BANK1: variants seen among roughly 807,000 people sequenced by gnomAD.
BANK1 encodes the protein B cell scaffold protein with ankyrin repeats 1, also known as B-cell scaffold protein with ankyrin repeats.
In BANK1, 95 loss-of-function variants were observed where a neutral mutation model predicts 94.5. The observed-to-expected ratio is 1.00, with a 90% CI of 0.85 to 1.19. BANK1 has a LOEUF of 1.19. Ranked by LOEUF, BANK1 falls within the 50% of genes most tolerant of loss-of-function variation. BANK1 has a pLI of 0.00. For missense variants in BANK1, 987 were observed against 932.2 expected, an observed-to-expected ratio of 1.06 and a Z score of -0.77; for synonymous variants, 334 against 308.4, an observed-to-expected ratio of 1.08 and a Z score of -0.87.
In BANK1 at chr4:101,909,381, G is replaced by A. The variant is rs189336057; in HGVS notation, c.1010-8612G>A. Among the ~76,000 whole-genome samples, 297 of 152,224 alleles carry A rather than the reference G, an allele frequency of 2.0e-3. 1 individual carries two copies. Among genetic ancestry groups the A allele is most frequent in the African/African-American group, 6.4e-3 (265 of 41,526 alleles). The stretch of plus-strand genomic sequence containing the variant: ...CACAGGAAGAGGAACATCACACACC[G>A]GGGCCTGTCGTGGGGTGGGGGTAGG... On this transcript the variant is annotated intron_variant, in intron 6 of 16. Coordinates refer to ENST00000322953, the MANE Select transcript of BANK1 (RefSeq NM_017935.5).
chr4:102,066,692 C>T (rs1376510996), intron 13 of BANK1, among the ~76,000 whole-genome samples: 1 of 152,024 alleles, frequency 6.6e-6, no homozygotes, highest in Non-Finnish European at 1.5e-5. Context: ...AGAATAAATG[C>T]TTAAAAATAT....
intron 5 of BANK1, among the ~76,000 whole-genome samples, chr4:101,874,755 G>A (rs553207603): frequency 3.0e-4 from 45 of 152,202 alleles, no homozygotes; most frequent in African/African-American, 7.7e-4. Context: ...AGCATATTAT[G>A]CTCTTTTCTT....
chr4:102,057,221 G>GCT (rs374385213), intron 11 of BANK1, among the ~76,000 whole-genome samples: 170 of 144,414 alleles, frequency 1.2e-3, no homozygotes, highest in Middle Eastern at 3.7e-3. Context: ...ACTAGTTCTC[G>GCT]CTCTCTCTCT....
chr4:101,944,584 G>A (rs112879286), intron 7 of BANK1, among the ~76,000 whole-genome samples: 2,209 of 151,704 alleles, frequency 0.015, 23 homozygotes, highest in Non-Finnish European at 0.019. Context: ...AAGAACTCTA[G>A]AGAAGGAAAA....
chr4:101,938,295 A>G (rs1553934324), intron 7 of BANK1, among the ~76,000 whole-genome samples: 2 of 151,632 alleles, frequency 1.3e-5, no homozygotes, highest in Non-Finnish European at 1.5e-5. Context: ...GTTACCAGAG[A>G]CTGGAAAAGG....
intron 1 of BANK1, among the ~76,000 whole-genome samples, chr4:101,795,369 A>G (rs1725121434): frequency 6.6e-6 from 1 of 152,026 alleles, no homozygotes; most frequent in African/African-American, 2.4e-5. Context: ...GTGTTCTTTT[A>G]TCTATGGAGG....
At chr4:102,051,140 TGGGG>T (rs1001617135) in intron 11 of BANK1, among the ~76,000 whole-genome samples, 21 of 152,150 alleles carry the variant, frequency 1.4e-4, no homozygotes, top group African/African-American at 3.4e-4. Context: ...CCTGGAGAAA[TGGGG>T]AAGATATTAC....
intron 7 of BANK1, among the ~76,000 whole-genome samples, chr4:101,937,275 A>G (rs1446438587): frequency 6.6e-6 from 1 of 151,920 alleles, no homozygotes; most frequent in Admixed American, 6.6e-5. Flanking sequence ...ACAGCAAAAT[A>G]AACTATCATC....
intron 2 of BANK1, among the ~76,000 whole-genome samples, chr4:101,840,513 G>A (rs1230228844): frequency 1.3e-5 from 2 of 152,048 alleles, no homozygotes; most frequent in Non-Finnish European, 2.9e-5. Context: ...AGGGTAAGAA[G>A]CACCTGGCCC....
At chr4:101,801,271 T>C (rs1245813067) in intron 1 of BANK1, among the ~76,000 whole-genome samples, 1 of 152,222 alleles carries the variant, frequency 6.6e-6, no homozygotes, top group Non-Finnish European at 1.5e-5. Flanking sequence ...CATGTTAAGA[T>C]GATACTATTT....
chr4:102,030,090 A>C lies in BANK1; in HGVS notation c.1725A>C (p.Glu575Asp). 6.2e-7 allele frequency: 1 copy of C among 1,614,068 alleles called. No homozygotes were observed. The highest frequency in any genetic ancestry group is 1.3e-5 in the African/African-American group (1 of 75,038). The change falls in exon 10 of 17, where the codon GAA becomes GAC. Residue 575 changes from glutamate (E) to aspartate (D), a missense_variant. Physicochemically the swap from Glu to Asp is conservative, Grantham distance 45 (BLOSUM62 2). Transcript: ENST00000322953. ...KEEEKEQEEE[E>D]DPYTFAEIDD... Reference sequence around the variant, plus strand: ...AGGAAAAAGAGCAGGAGGAGGAAGAAGACCCATATACTTTTGCTGAGATTG... The same window carrying C: ...AGGAAAAAGAGCAGGAGGAGGAAGACGACCCATATACTTTTGCTGAGATTG...
At chr4:102,047,165 A>AT (rs1727904452) in intron 11 of BANK1, among the ~76,000 whole-genome samples, 1 of 152,168 alleles carries the variant, frequency 6.6e-6, no homozygotes, top group Non-Finnish European at 1.5e-5. Flanking sequence ...CTCCTAGGAC[A>AT]TTATGAATCA....
intron 9 of BANK1, among the ~76,000 whole-genome samples, chr4:102,027,468 C>A (rs1727142608): frequency 6.6e-6 from 1 of 152,058 alleles, no homozygotes; most frequent in South Asian, 2.1e-4. Flanking sequence ...TTACTTTTAT[C>A]TTTTGATAGT....
intron 7 of BANK1, among the ~76,000 whole-genome samples, chr4:101,968,134 C>T (rs1223187689): frequency 1.3e-5 from 2 of 151,914 alleles, no homozygotes; most frequent in East Asian, 1.9e-4. Context: ...CAGGAGGCTA[C>T]AGAGGGGAGA....
chr4:102,043,990 G>A (rs1727790333), intron 11 of BANK1, 83 bp downstream of exon 11: 7 of 725,254 alleles, frequency 9.7e-6, no homozygotes, highest in Admixed American at 2.3e-5. Context: ...AAGCCTCCTA[G>A]GACAGAAGTA....
At chr4:101,792,949 C>A (rs992926636) in intron 1 of BANK1, among the ~76,000 whole-genome samples, 2 of 152,054 alleles carry the variant, frequency 1.3e-5, no homozygotes, top group African/African-American at 4.8e-5. Flanking sequence ...TATCAATGTC[C>A]AAAAGAGAGA....
chr4:102,071,196 C>T (rs950884309), intron 13 of BANK1, 79 bp from the exon 14 acceptor site: 13 of 1,484,006 alleles, frequency 8.8e-6, no homozygotes, highest in Non-Finnish European at 1.2e-5. Flanking sequence ...AGTAGTCCAA[C>T]AATTAAAAAA....
chr4:101,822,090 C>T (rs980691507), intron 1 of BANK1, among the ~76,000 whole-genome samples: 3 of 152,132 alleles, frequency 2.0e-5, no homozygotes, highest in Admixed American at 2.0e-4. Context: ...CGTGGTGGCT[C>T]ATGCCTGTAA....
intron 13 of BANK1, among the ~76,000 whole-genome samples, chr4:102,068,851 A>G (rs929996761): frequency 1.3e-5 from 2 of 152,084 alleles, no homozygotes; most frequent in Non-Finnish European, 2.9e-5. Context: ...AGATACTAAG[A>G]AAATATGTAG....
Sources: allele counts gnomAD v4.1 joint callset (sites outside exome capture counted in the v4.1 genomes callset), GRCh38; gene constraint gnomAD v4.1.1; transcripts MANE v1.5; gene names NCBI Gene and HGNC (gene_info 2026-07-23, HGNC 2026-07-21).